Variants in RASSF3 observed in about 807,000 individuals in gnomAD.
The protein encoded by RASSF3 is ras association domain-containing protein 3.
In RASSF3, 19 loss-of-function variants were observed where a neutral mutation model predicts 19.9. That is an observed-to-expected ratio of 0.96 (90% CI 0.67 to 1.40). The LOEUF (loss-of-function observed/expected upper bound fraction) is 1.40. Ranked by LOEUF, RASSF3 falls within the 40% of genes most tolerant of loss-of-function variation. RASSF3 has a pLI of 0.00. For missense variants in RASSF3, 306 were observed against 289.8 expected (o/e 1.06, Z -0.41); for synonymous variants, 110 against 104.2 (o/e 1.06, Z -0.34).
chr12:64,542,855 C>T (rs545595594), downstream of RASSF3, among the ~76,000 whole-genome samples: 6 of 152,314 alleles, frequency 3.9e-5, no homozygotes, highest in South Asian at 1.2e-3. Flanking sequence ...TTCAGCCCGC[C>T]GCTGCACTGT....
At chr12:64,674,335 C>T (rs1374892112) in intron 1 of RASSF3, among the ~76,000 whole-genome samples, 2 of 152,144 alleles carry the variant, frequency 1.3e-5, no homozygotes, top group Non-Finnish European at 2.9e-5. Flanking sequence ...AGCTCTATGA[C>T]CAGATCAGAA....
In RASSF3 at chr12:64,695,081, C is replaced by T. The variant is rs1438307058; in HGVS notation, c.*169C>T. ...GGTCACACAGCATCCTGCACCTTAG[C>T]GTCCCATGTAAGGGACTCTGCAAGC... is the stretch of plus-strand genomic sequence containing the variant. On this transcript the variant is annotated 3_prime_UTR_variant, in exon 5 of 5. Coordinates refer to ENST00000542104, the MANE Select transcript of RASSF3 (RefSeq NM_178169.4). The T allele has an allele frequency of 6.0e-6, 4 of 665,154 alleles. No individual in the cohort carries two copies. The highest frequency in any genetic ancestry group is 5.9e-5 in the Admixed American group (2 of 33,654). The allele number at this position is 665,154 out of a possible 1,614,324, so 41.2% of individuals were successfully genotyped here.
chr12:64,674,661 T>G (rs1313775246), intron 1 of RASSF3, among the ~76,000 whole-genome samples: 1 of 152,066 alleles, frequency 6.6e-6, no homozygotes, highest in Non-Finnish European at 1.5e-5. Context: ...ATAGAAGGTG[T>G]TGTGGATCCT....
chr12:64,553,908 C>A (rs190242925), intron 2 of RASSF3, among the ~76,000 whole-genome samples: 1 of 150,382 alleles, frequency 6.6e-6, no homozygotes, highest in African/African-American at 2.5e-5. Context: ...GCCTGGGAGG[C>A]CAAGGCTGAA....
At chr12:64,570,778 G>T (rs1236858079) in intron 2 of RASSF3, among the ~76,000 whole-genome samples, 1 of 152,128 alleles carries the variant, frequency 6.6e-6, no homozygotes, top group African/African-American at 2.4e-5. Context: ...TTTCTCACGA[G>T]CTTTTTGGGT....
intron 2 of RASSF3, among the ~76,000 whole-genome samples, chr12:64,567,543 G>A (rs1869450998): frequency 6.6e-6 from 1 of 152,150 alleles, no homozygotes; most frequent in African/African-American, 2.4e-5. Flanking sequence ...TGACCGAACA[G>A]AGACATCTTT....
chr12:64,520,063 G>C (rs1461098695), intron 1 of RASSF3, among the ~76,000 whole-genome samples: 1 of 152,038 alleles, frequency 6.6e-6, no homozygotes, highest in Non-Finnish European at 1.5e-5. Flanking sequence ...TGGGTTGATA[G>C]AGATCATGCA....
intron 2 of RASSF3, among the ~76,000 whole-genome samples, chr12:64,587,230 T>C (rs929160913): frequency 1.3e-5 from 2 of 151,728 alleles, no homozygotes; most frequent in Non-Finnish European, 2.9e-5. Flanking sequence ...AATTTTTGTA[T>C]TTTTGAAATA....
At chr12:64,655,162 C>T (rs1174536688) in intron 1 of RASSF3, 1 of 152,152 alleles carries the variant, frequency 6.6e-6, no homozygotes, top group African/African-American at 2.4e-5. Flanking sequence ...GTTTTAAATC[C>T]ATGTAATGCT....
intron 1 of RASSF3, among the ~76,000 whole-genome samples, chr12:64,535,513 C>T (rs951152882): frequency 2.0e-5 from 3 of 151,942 alleles, no homozygotes; most frequent in East Asian, 1.9e-4. Context: ...TACAGGCACA[C>T]GCCACCACAT....
chr12:64,595,414 C>T (rs1869985466), intron 2 of RASSF3, among the ~76,000 whole-genome samples: 2 of 152,120 alleles, frequency 1.3e-5, no homozygotes, highest in Non-Finnish European at 2.9e-5. Context: ...CCACACATTT[C>T]CTAGTCATCT....
chr12:64,622,592 C>T (rs768937545), intron 1 of RASSF3: 1 of 479,598 alleles, frequency 2.1e-6, no homozygotes, highest in South Asian at 1.5e-5. Context: ...TACTTTTGCA[C>T]CAACTTAATA....
intron 2 of RASSF3, among the ~76,000 whole-genome samples, chr12:64,588,677 T>A (rs1191418818): frequency 6.6e-6 from 1 of 152,180 alleles, no homozygotes; most frequent in African/African-American, 2.4e-5. Context: ...ATATGGTATA[T>A]TTCCATCTGG....
chr12:64,509,047 GTC>G (rs909470722), intron 1 of RASSF3, among the ~76,000 whole-genome samples: 15 of 151,746 alleles, frequency 9.9e-5, no homozygotes, highest in African/African-American at 3.6e-4. Context: ...AATCGTTTAA[GTC>G]TCTGTTTATA....
intron 1 of RASSF3, among the ~76,000 whole-genome samples, chr12:64,520,632 A>T (rs1868460179): frequency 6.7e-6 from 1 of 149,220 alleles, no homozygotes; most frequent in Non-Finnish European, 1.5e-5. Flanking sequence ...CTGGAAACCT[A>T]GAAATATGTA....
At chr12:64,555,169 G>A (rs865797450) in intron 2 of RASSF3, among the ~76,000 whole-genome samples, 7 of 151,750 alleles carry the variant, frequency 4.6e-5, no homozygotes, top group Admixed American at 4.6e-4. Flanking sequence ...GCTTGAACCC[G>A]GGAGATGGAG....
In RASSF3 at chr12:64,688,423, C is replaced by T. The variant is rs1174742136; in HGVS notation, c.427C>T (p.Leu143Phe). The T allele has an allele frequency of 6.8e-6, 11 of 1,613,972 alleles. No homozygotes were observed. Among genetic ancestry groups the T allele is most frequent in the Admixed American group, 1.7e-5 (1 of 59,998 alleles). The part of the protein sequence containing the change: ...LVTESPAKFA[L>F]YKRCHREDQV... The stretch of plus-strand genomic sequence containing the variant: ...GACTGAGAGCCCTGCCAAGTTTGCA[C>T]TTTATAAGCGTTGTCACAGGGAAGA... The change falls in exon 3 of 5, where the codon CTT becomes TTT. Residue 143 changes from leucine to phenylalanine, a missense_variant. By Grantham distance (22) the Leu-to-Phe change is conservative. Coordinates refer to ENST00000542104, the MANE Select transcript of RASSF3 (RefSeq NM_178169.4).
Position 64,558,385 on chromosome 12 carries a change from T to G in RASSF3, c.294+16680T>G, listed in dbSNP as rs1869290027. ...TCCATGGGAGATGCTTTCTGGTGGT[T>G]GTTAATATGTGACACAAAAATTTTC... On this transcript the variant is annotated intron_variant, in intron 2 of 5. Coordinates refer to the RASSF3 transcript ENST00000637125. Among the ~76,000 whole-genome samples, 3 of 152,176 alleles carry G rather than the reference T, an allele frequency of 2.0e-5. No individual in the cohort carries two copies. The South Asian group carries it at 6.2e-4, about 32-fold the overall frequency.
chr12:64,507,372 T>G (rs1008629863), intron 1 of RASSF3: 9 of 398,056 alleles, frequency 2.3e-5, no homozygotes, highest in African/African-American at 6.2e-5. Context: ...ATCCGTTTTT[T>G]TGTGTGTGTG....
Sources: gnomAD v4.1 joint callset for allele counts (sites outside exome capture counted in the v4.1 genomes callset) on GRCh38, gnomAD v4.1.1 for gene constraint, MANE v1.5 for transcripts, NCBI Gene and HGNC (gene_info 2026-07-23, HGNC 2026-07-21) for gene names.